Variants in IL1R1 observed in about 807,000 individuals in gnomAD.
IL1R1 encodes the protein interleukin-1 receptor type 1.
In IL1R1, 22 loss-of-function variants were observed where a neutral mutation model predicts 50.2. That is an observed-to-expected ratio of 0.44 (90% CI 0.31 to 0.63). The LOEUF is 0.63. IL1R1 is among the 20% of genes least tolerant of loss of function. The probability of loss-of-function intolerance (pLI) is 0.07; values close to 1 mark genes in which losing one functional copy is unlikely to be tolerated. For synonymous variants in IL1R1, 251 were observed against 236.7 expected (o/e 1.06, Z -0.55); for missense variants, 509 against 676.2 (o/e 0.75, Z 2.74).
chr2:102,114,684 G>C (rs1399650020), intron 1 of IL1R1, among the ~76,000 whole-genome samples: 1 of 152,206 alleles, frequency 6.6e-6, no homozygotes, highest in African/African-American at 2.4e-5. Context: ...TGGGATTTAT[G>C]TAACCGCAAG....
intron 3 of IL1R1, among the ~76,000 whole-genome samples, chr2:102,162,635 T>G (rs1684831557): frequency 6.6e-6 from 1 of 152,138 alleles, no homozygotes; most frequent in Admixed American, 6.5e-5. Flanking sequence ...TCTGTCTGCC[T>G]TCAGGTAACA....
chr2:102,128,413 T>A (rs1030065334), intron 1 of IL1R1, among the ~76,000 whole-genome samples: 10 of 152,214 alleles, frequency 6.6e-5, no homozygotes, highest in Admixed American at 6.5e-4. Flanking sequence ...AGGCTGAGTA[T>A]ATAAATACCC....
At chr2:102,094,713 T>G (rs555444945) in intron 1 of IL1R1, among the ~76,000 whole-genome samples, 1 of 152,320 alleles carries the variant, frequency 6.6e-6, no homozygotes, top group East Asian at 1.9e-4. Flanking sequence ...ATAATTCAAT[T>G]TATGTGTGCG....
intron 1 of IL1R1, among the ~76,000 whole-genome samples, chr2:102,105,629 G>C (rs1355180029): frequency 1.3e-5 from 2 of 152,196 alleles, no homozygotes; most frequent in Non-Finnish European, 2.9e-5. Context: ...CTCCCAAAGT[G>C]CTGGGATTAC....
rs1553638406 is a variant in IL1R1, at chr2:102,179,318, T to C, written c.*2559T>C. On this transcript the variant is annotated 3_prime_UTR_variant, in exon 12 of 12. Coordinates refer to ENST00000410023, the MANE Select transcript of IL1R1 (RefSeq NM_000877.4). ...TTACAAGTAGAATGGCAGCTGGAATTTAAGGAGGGACAAGAATCAATGGAT... is the reference window on the plus strand; with the variant it reads ...TTACAAGTAGAATGGCAGCTGGAATCTAAGGAGGGACAAGAATCAATGGAT... The C allele has an allele frequency of 6.6e-6, 1 of 152,174 alleles. No individual in the cohort carries two copies. The highest frequency in any genetic ancestry group is 1.5e-5 in the Non-Finnish European group (1 of 68,034). 9.4% of individuals were successfully genotyped at this position (152,174 alleles called of 1,614,324 possible). A position where few individuals can be genotyped will look rare whatever the true frequency, so the allele number is the denominator to read the frequency against.
intron 1 of IL1R1, among the ~76,000 whole-genome samples, chr2:102,098,086 T>C (rs979455101): frequency 6.6e-6 from 1 of 152,104 alleles, no homozygotes; most frequent in Non-Finnish European, 1.5e-5. Context: ...GTTACGATTA[T>C]ACCAGAAATA....
chr2:102,139,562 G>T (rs980790942), upstream of IL1R1, among the ~76,000 whole-genome samples: 43 of 152,238 alleles, frequency 2.8e-4, no homozygotes, highest in Non-Finnish European at 4.6e-4. Flanking sequence ...AATGTTGGAG[G>T]TGGGGGCTGG....
intron 6 of IL1R1, among the ~76,000 whole-genome samples, chr2:102,167,203 A>G (rs889371813): frequency 3.5e-4 from 53 of 152,172 alleles, no homozygotes; most frequent in Admixed American, 1.3e-4. Context: ...TTCCAGTTAT[A>G]TAATACTTTA....
intron 9 of IL1R1, among the ~76,000 whole-genome samples, chr2:102,173,851 C>T (rs1238072734): frequency 6.6e-6 from 1 of 152,092 alleles, no homozygotes; most frequent in Admixed American, 6.5e-5. Context: ...AGGATTATTA[C>T]TACAGACATC....
At position 102,166,242 on chromosome 2, in the gene IL1R1, C is replaced by G; in HGVS notation, c.616C>G (p.Gln206Glu). Residue 206 changes from glutamine to glutamate, a missense_variant, in exon 6 of 12, where the codon CAA becomes GAA. Physicochemically the swap from Gln to Glu is conservative, Grantham distance 29. Coordinates refer to ENST00000410023, the MANE Select transcript of IL1R1 (RefSeq NM_000877.4). ...CHASYTYLGK[Q>E]YPITRVIEFI... ...TGCATCCTACACATACTTGGGCAAG[C>G]AATATCCTATTACCCGGGTAATAGA... The G allele has an allele frequency of 6.2e-7, 1 of 1,613,544 alleles. No individual in the cohort carries two copies. Among genetic ancestry groups the G allele is most frequent in the South Asian group, 1.1e-5 (1 of 91,038 alleles).
At chr2:102,110,927 TAGCC>T (rs751419470) in intron 1 of IL1R1, among the ~76,000 whole-genome samples, 2 of 152,100 alleles carry the variant, frequency 1.3e-5, no homozygotes, top group East Asian at 1.9e-4. Flanking sequence ...CGGTCCGTGT[TAGCC>T]TGGTGATTGG....
intron 7 of IL1R1, among the ~76,000 whole-genome samples, chr2:102,170,612 A>G (rs890196516): frequency 7.4e-4 from 112 of 152,378 alleles, no homozygotes; most frequent in African/African-American, 2.6e-3. Flanking sequence ...GCTAGAAAAC[A>G]TAATAGGAAA....
chr2:102,175,968 A>G, intron 11 of IL1R1: 1 of 482,708 alleles, frequency 2.1e-6, no homozygotes, highest in Non-Finnish European at 3.6e-6. Flanking sequence ...AAATTCCAAC[A>G]AAGTTTTCTG....
intron 7 of IL1R1, among the ~76,000 whole-genome samples, chr2:102,170,164 G>T (rs1436444873): frequency 6.6e-6 from 1 of 152,188 alleles, no homozygotes; most frequent in African/African-American, 2.4e-5. Context: ...ATAGTACCCT[G>T]TCATAGGATT....
chr2:102,140,357 G>C, upstream of IL1R1, among the ~76,000 whole-genome samples: 1 of 152,016 alleles, frequency 6.6e-6, no homozygotes, highest in East Asian at 1.9e-4. Context: ...TCCCAAAGAG[G>C]GTCCTGGGAT....
chr2:102,174,564 C>CTT, intron 9 of IL1R1, 23 bp from the exon 10 acceptor site: 6 of 1,490,084 alleles, frequency 4.0e-6, no homozygotes, highest in Admixed American at 4.7e-5. Context: ...ATTTTTTCTC[C>CTT]TTTTTTTTTC....
upstream of IL1R1, among the ~76,000 whole-genome samples, chr2:102,138,611 G>A (rs115591501): frequency 2.6e-3 from 389 of 152,280 alleles, no homozygotes; most frequent in African/African-American, 9.0e-3. Flanking sequence ...AAGGGAGAGT[G>A]TTGAGTAGAT....
At chr2:102,158,657 G>A (rs1684423462) in intron 3 of IL1R1, among the ~76,000 whole-genome samples, 2 of 152,344 alleles carry the variant, frequency 1.3e-5, no homozygotes, top group East Asian at 1.9e-4. Context: ...GGACCAGGCT[G>A]TCTGGGTAAT....
chr2:102,076,278 C>T (rs1012586426), intron 1 of IL1R1, among the ~76,000 whole-genome samples: 1 of 151,420 alleles, frequency 6.6e-6, no homozygotes, highest in Non-Finnish European at 1.5e-5. Context: ...CCCAGGTTCA[C>T]ACCATTCTCC....
Sources: gnomAD v4.1 joint callset for allele counts (sites outside exome capture counted in the v4.1 genomes callset) on GRCh38, gnomAD v4.1.1 for gene constraint, MANE v1.5 for transcripts, NCBI Gene and HGNC (gene_info 2026-07-23, HGNC 2026-07-21) for gene names.